The following ABLIM1 variants were observed in gnomAD, a reference collection of about 807,000 sequenced individuals.
ABLIM1 encodes the protein actin binding LIM protein 1.
Under a neutral mutation model 107.0 loss-of-function variants are expected in ABLIM1, and 40 were observed. That is an observed-to-expected ratio of 0.37 (90% confidence interval 0.29 to 0.49). ABLIM1 has a LOEUF of 0.49. ABLIM1 is among the 20% of genes least tolerant of loss of function. The pLI, the probability that ABLIM1 is intolerant of heterozygous loss-of-function variation, is 0.97. For missense variants in ABLIM1, 857 were observed against 1,008.5 expected (o/e 0.85, Z 2.04); for synonymous variants, 357 against 357.3 (o/e 1.00, Z 0.01).
At chr10:114,466,759 C>T (rs972844519) in intron 11 of ABLIM1, among the ~76,000 whole-genome samples, 1 of 152,056 alleles carries the variant, frequency 6.6e-6, no homozygotes, top group Non-Finnish European at 1.5e-5. Flanking sequence ...ATTTAAAATG[C>T]CCTTTAAAAG....
intron 12 of ABLIM1, among the ~76,000 whole-genome samples, chr10:114,458,391 C>A (rs191033060): frequency 1.3e-5 from 2 of 152,260 alleles, no homozygotes; most frequent in East Asian, 1.9e-4. Context: ...CCCATCTCCA[C>A]TTTCATTCTT....
chr10:114,661,904 C>T (rs555296598), upstream of ABLIM1, among the ~76,000 whole-genome samples: 3 of 152,296 alleles, frequency 2.0e-5, no homozygotes, highest in South Asian at 6.2e-4. Context: ...ATGTGATGAG[C>T]CCCAGCCCAA....
chr10:114,547,843 T>C (rs2067552659), intron 4 of ABLIM1, 67 bp from the exon 5 acceptor site: 5 of 1,575,052 alleles, frequency 3.2e-6, no homozygotes, highest in Non-Finnish European at 4.3e-6. Context: ...GGCAGCCCAA[T>C]TTCAACCCCA....
chr10:114,457,842 C>T (rs747873841), intron 12 of ABLIM1, among the ~76,000 whole-genome samples: 4 of 152,076 alleles, frequency 2.6e-5, no homozygotes, highest in Non-Finnish European at 5.9e-5. Context: ...GAGGCTGAGG[C>T]GGGTGAATTA....
intron 1 of ABLIM1, chr10:114,632,870 C>G: frequency 2.4e-6 from 2 of 826,892 alleles, no homozygotes; most frequent in Non-Finnish European, 2.9e-6. Context: ...CAGCCTAAGC[C>G]TGACCCCACA....
At chr10:114,499,188 A>G (rs1445638500) in intron 6 of ABLIM1, among the ~76,000 whole-genome samples, 1 of 152,218 alleles carries the variant, frequency 6.6e-6, no homozygotes, top group Non-Finnish European at 1.5e-5. Context: ...ATGGGACAGA[A>G]AAACATCTTC....
At chr10:114,640,144 C>T (rs922965604) in intron 1 of ABLIM1, among the ~76,000 whole-genome samples, 14 of 152,190 alleles carry the variant, frequency 9.2e-5, no homozygotes, top group African/African-American at 2.4e-4. Flanking sequence ...GGGCAACTAG[C>T]GCTGTCTTCC....
At chr10:114,708,899 TC>T (rs1208650854) in intron 1 of ABLIM1, among the ~76,000 whole-genome samples, 1 of 152,216 alleles carries the variant, frequency 6.6e-6, no homozygotes, top group Non-Finnish European at 1.5e-5. Context: ...TTAATCACCA[TC>T]TTTTAAGATT....
chr10:114,445,227 T>C, intron 16 of ABLIM1, 85 bp downstream of exon 16: 1 of 1,244,576 alleles, frequency 8.0e-7, no homozygotes, highest in South Asian at 1.2e-5. Flanking sequence ...CCTATCTAGA[T>C]GGTTTATACA....
chr10:114,471,107 T>C (rs1276926935), intron 10 of ABLIM1, among the ~76,000 whole-genome samples: 3 of 152,190 alleles, frequency 2.0e-5, no homozygotes, highest in Admixed American at 6.5e-5. Flanking sequence ...CAGGCTGGTC[T>C]CAAACTCTTG....
chr10:114,438,220 T>C (rs2059701355), intron 21 of ABLIM1, among the ~76,000 whole-genome samples: 2 of 152,164 alleles, frequency 1.3e-5, no homozygotes, highest in African/African-American at 4.8e-5. Flanking sequence ...AGGTAAACAT[T>C]AGAAGATAAT....
intron 21 of ABLIM1, 110 bp from the exon 22 acceptor site, chr10:114,438,034 T>A (rs2059672283): frequency 5.7e-6 from 6 of 1,051,954 alleles, no homozygotes; most frequent in Non-Finnish European, 8.5e-6. Context: ...GAGACTGTCA[T>A]GACAGAATTC....
chr10:114,655,693 G>C (rs2079470844), intron 1 of ABLIM1, among the ~76,000 whole-genome samples: 1 of 152,148 alleles, frequency 6.6e-6, no homozygotes, highest in African/African-American at 2.4e-5. Context: ...TACTCAGCTG[G>C]TTCTGAACAA....
chr10:114,743,866 G>GA (rs201110969), intron 1 of ABLIM1, among the ~76,000 whole-genome samples: 89 of 150,786 alleles, frequency 5.9e-4, no homozygotes, highest in African/African-American at 2.0e-3. Context: ...TAATGTAAAA[G>GA]AAAAAAAAAG....
At chr10:114,759,687 TAC>T (rs1396733968) in intron 1 of ABLIM1, among the ~76,000 whole-genome samples, 2 of 152,134 alleles carry the variant, frequency 1.3e-5, no homozygotes, top group Non-Finnish European at 2.9e-5. Context: ...GTAGATAATC[TAC>T]AAAGTAGCTA....
chr10:114,689,659 G>C (rs1242565356), upstream of ABLIM1, among the ~76,000 whole-genome samples: 4 of 151,932 alleles, frequency 2.6e-5, no homozygotes, highest in South Asian at 2.1e-4. Context: ...ACCGCACCTG[G>C]CCGCACTTTT....
intron 18 of ABLIM1, 54 bp from the exon 19 acceptor site, chr10:114,441,131 T>C: frequency 6.6e-7 from 1 of 1,513,212 alleles, no homozygotes; most frequent in Non-Finnish European, 8.9e-7. Context: ...CGTTTTGGAG[T>C]CAGGTGAAAA....
intron 1 of ABLIM1, among the ~76,000 whole-genome samples, chr10:114,756,757 G>C (rs1022207901): frequency 2.0e-5 from 3 of 152,242 alleles, no homozygotes; most frequent in Middle Eastern, 6.8e-3. Flanking sequence ...AATTCCACTT[G>C]TTCTTCAAGG....
chr10:114,747,062 T>C (rs73373750), intron 1 of ABLIM1, among the ~76,000 whole-genome samples: 2,158 of 152,330 alleles, frequency 0.014, 52 homozygotes, highest in African/African-American at 0.049. Context: ...TGCTAATTGT[T>C]TTCTTTGATG....
Sources: gnomAD v4.1 joint callset for allele counts (sites outside exome capture counted in the v4.1 genomes callset) on GRCh38, gnomAD v4.1.1 for gene constraint, MANE v1.5 for transcripts, NCBI Gene and HGNC (gene_info 2026-07-23, HGNC 2026-07-21) for gene names.